The following NPAS3 variants were observed in gnomAD, a reference collection of about 807,000 sequenced individuals.
NPAS3 encodes the protein neuronal PAS domain-containing protein 3.
In NPAS3, 14 loss-of-function variants were observed where a neutral mutation model predicts 73.1. The ratio of observed to expected loss-of-function variants is 0.19; its 90% CI spans 0.13 to 0.30. NPAS3 has a LOEUF of 0.30. Ranked by LOEUF, NPAS3 falls within the 10% of genes least tolerant of loss-of-function variation. The pLI, the probability that NPAS3 is intolerant of heterozygous loss-of-function variation, is 1.00. For missense variants in NPAS3, 1,096 were observed against 1,250.0 expected, an observed-to-expected ratio of 0.88 and a Z score of 1.86; for synonymous variants, 620 against 541.5, an observed-to-expected ratio of 1.14 and a Z score of -2.01.
At chr14:33,147,183 A>G (rs1290331090) in intron 2 of NPAS3, among the ~76,000 whole-genome samples, 2 of 152,118 alleles carry the variant, frequency 1.3e-5, no homozygotes, top group Non-Finnish European at 1.5e-5. Flanking sequence ...TCCACATCCT[A>G]TAAAGAATAA....
intron 6 of NPAS3, among the ~76,000 whole-genome samples, chr14:33,694,245 C>A: frequency 6.6e-6 from 1 of 152,068 alleles, no homozygotes; most frequent in East Asian, 1.9e-4. Context: ...TTATTCAATG[C>A]AAGATATTAA....
chr14:33,361,356 A>C (rs551057732), intron 3 of NPAS3, among the ~76,000 whole-genome samples: 1 of 152,238 alleles, frequency 6.6e-6, no homozygotes, highest in Admixed American at 6.5e-5. Context: ...CAAAAATCAT[A>C]TGAATACTAT....
chr14:33,102,768 G>A (rs2042613968), intron 2 of NPAS3, among the ~76,000 whole-genome samples: 1 of 152,178 alleles, frequency 6.6e-6, no homozygotes, highest in Non-Finnish European at 1.5e-5. Context: ...GACAGCAGTT[G>A]TCATGCACTT....
intron 2 of NPAS3, among the ~76,000 whole-genome samples, chr14:33,100,142 T>C (rs1187044994): frequency 6.6e-6 from 1 of 152,164 alleles, no homozygotes; most frequent in Non-Finnish European, 1.5e-5. Flanking sequence ...AAGAGTGTTT[T>C]CTGAGTTAAG....
At chr14:33,722,547 G>C (rs1217960963) in intron 6 of NPAS3, among the ~76,000 whole-genome samples, 2 of 152,160 alleles carry the variant, frequency 1.3e-5, no homozygotes, top group Non-Finnish European at 2.9e-5. Flanking sequence ...AGGTTATAAT[G>C]ATGAAGCCTT....
At chr14:33,166,388 T>A (rs1166139031) in intron 2 of NPAS3, among the ~76,000 whole-genome samples, 1 of 152,100 alleles carries the variant, frequency 6.6e-6, no homozygotes, top group Non-Finnish European at 1.5e-5. Flanking sequence ...CATAAGTATC[T>A]CTTCCCTTTG....
chr14:33,657,069 A>G (rs1259903111), intron 5 of NPAS3, among the ~76,000 whole-genome samples: 1 of 152,230 alleles, frequency 6.6e-6, no homozygotes, highest in Non-Finnish European at 1.5e-5. Flanking sequence ...TGTAATGCCA[A>G]TGAACATGGA....
At chr14:33,112,335 T>C (rs146808827) in intron 2 of NPAS3, among the ~76,000 whole-genome samples, 23 of 152,276 alleles carry the variant, frequency 1.5e-4, no homozygotes, top group African/African-American at 5.5e-4. Context: ...GTACCTGTTG[T>C]TCCCTGACTT....
At chr14:33,031,492 C>CTGTT (rs1425045370) in intron 1 of NPAS3, among the ~76,000 whole-genome samples, 1 of 152,124 alleles carries the variant, frequency 6.6e-6, no homozygotes, top group African/African-American at 2.4e-5. Context: ...ATGTGCTTTT[C>CTGTT]TGTTTGTTTG....
chr14:33,148,815 G>A (rs749133913), intron 2 of NPAS3, among the ~76,000 whole-genome samples: 63 of 152,064 alleles, frequency 4.1e-4, no homozygotes, highest in Non-Finnish European at 7.9e-4. Flanking sequence ...AGCGTCCCAA[G>A]TAGCTAGGAC....
intron 3 of NPAS3, among the ~76,000 whole-genome samples, chr14:33,338,860 C>T (rs2044347131): frequency 6.6e-6 from 1 of 152,138 alleles, no homozygotes; most frequent in African/African-American, 2.4e-5. Context: ...ACAGTATGGT[C>T]ATTAATAGGC....
At chr14:33,359,407 A>G (rs533389023) in intron 3 of NPAS3, among the ~76,000 whole-genome samples, 1 of 152,294 alleles carries the variant, frequency 6.6e-6, no homozygotes, top group African/African-American at 2.4e-5. Context: ...AAAAATCAAG[A>G]TACCAGATGT....
At chr14:33,776,569 A>G (rs1349172085) in intron 8 of NPAS3, among the ~76,000 whole-genome samples, 1 of 127,972 alleles carries the variant, frequency 7.8e-6, no homozygotes, top group Non-Finnish European at 1.6e-5. Flanking sequence ...AAAGCTTTTC[A>G]CAGTCCCCTT....
At position 33,215,625 on chromosome 14, in the gene NPAS3, A is replaced by G. The variant is rs568952816; in HGVS notation, c.385+199A>G. 8 of 728,650 alleles carry G rather than the reference A, an allele frequency of 1.1e-5. No individual in the cohort carries two copies. In the East Asian group the frequency reaches 1.6e-4, roughly 15 times the overall value. The allele number at this position is 728,650 out of a possible 1,614,324, so 45.1% of individuals were successfully genotyped here. On this transcript the variant is annotated intron_variant, in intron 3 of 11. Coordinates refer to ENST00000356141, the Ensembl canonical transcript of NPAS3. ...TCTTATTTTTCTATTTTATTTTCAA[A>G]AAGTCTATCAGCCTAAAATTCTGTC...
At chr14:33,649,550 G>GT (rs965842741) in intron 5 of NPAS3, among the ~76,000 whole-genome samples, 1 of 152,174 alleles carries the variant, frequency 6.6e-6, no homozygotes, top group African/African-American at 2.4e-5. Flanking sequence ...ATCATAGATT[G>GT]TTTTATATAC....
intron 4 of NPAS3, among the ~76,000 whole-genome samples, chr14:33,426,389 C>G (rs900823789): frequency 6.6e-6 from 1 of 151,996 alleles, no homozygotes; most frequent in Non-Finnish European, 1.5e-5. Flanking sequence ...TTCAGAGAAG[C>G]AGGGAGCTTG....
downstream of NPAS3, chr14:33,801,117 C>T (rs1414606310): frequency 6.4e-7 from 1 of 1,570,626 alleles, no homozygotes; most frequent in Admixed American, 1.9e-5. Flanking sequence ...TGAGGCGCCG[C>T]CCGTCCTGGG....
chr14:33,464,750 C>T (rs370217716), intron 4 of NPAS3, among the ~76,000 whole-genome samples: 43 of 152,124 alleles, frequency 2.8e-4, no homozygotes, highest in Non-Finnish European at 5.6e-4. Context: ...CTCTGTTTGG[C>T]GAGGAGCTGG....
intron 4 of NPAS3, among the ~76,000 whole-genome samples, chr14:33,493,857 G>A (rs926611293): frequency 3.3e-5 from 5 of 151,996 alleles, no homozygotes; most frequent in Admixed American, 6.6e-5. Context: ...TTTTTGAAAA[G>A]GAAATTATCT....
Sources: gnomAD v4.1 joint callset for allele counts (sites outside exome capture counted in the v4.1 genomes callset) on GRCh38, gnomAD v4.1.1 for gene constraint, MANE v1.5 for transcripts, NCBI Gene and HGNC (gene_info 2026-07-23, HGNC 2026-07-21) for gene names.